Variants in PDS5A observed in about 807,000 individuals in gnomAD.
PDS5A encodes PDS5 cohesin associated factor A, also known as sister chromatid cohesion protein PDS5 homolog A.
Under a neutral mutation model 167.1 loss-of-function variants are expected in PDS5A, and 42 were observed. The ratio of observed to expected loss-of-function variants is 0.25; its 90% confidence interval spans 0.20 to 0.33. The LOEUF is 0.33. PDS5A is among the 10% of genes least tolerant of loss of function. The probability of loss-of-function intolerance (pLI) is 1.00; values close to 1 mark genes in which losing one functional copy is unlikely to be tolerated. For synonymous variants in PDS5A, 553 were observed against 554.6 expected (o/e 1.00, Z 0.04); for missense variants, 1,033 against 1,605.9 (o/e 0.64, Z 6.10).
intron 26 of PDS5A, among the ~76,000 whole-genome samples, chr4:39,860,467 A>G (rs1718893206): frequency 6.7e-6 from 1 of 148,958 alleles, no homozygotes; most frequent in Non-Finnish European, 1.5e-5. Flanking sequence ...ACTTGTCTCA[A>G]AAAAAAAAAG....
At chr4:39,913,581 T>C (rs770579333) in intron 9 of PDS5A, 30 bp downstream of exon 9, 2 of 1,230,476 alleles carry the variant, frequency 1.6e-6, no homozygotes, top group Non-Finnish European at 2.4e-6. Flanking sequence ...TTTTCTAAAA[T>C]ATAAACATCA....
At chr4:39,909,040 AAAAATAAAAT>A (rs59403675) in intron 10 of PDS5A, among the ~76,000 whole-genome samples, 22,209 of 125,716 alleles carry the variant, frequency 0.18, 2,031 homozygotes, top group East Asian at 0.34. Context: ...CCCTGTATCA[AAAAATAAAAT>A]AAAATAAAAT....
chr4:39,879,869 G>A, intron 17 of PDS5A, 36 bp from the exon 18 acceptor site: 4 of 1,149,942 alleles, frequency 3.5e-6, no homozygotes, highest in Non-Finnish European at 5.3e-6. Context: ...AGTAACCACT[G>A]TAGTAGTAAC....
At chr4:39,888,313 T>C (rs889425809) in intron 17 of PDS5A, among the ~76,000 whole-genome samples, 1 of 149,500 alleles carries the variant, frequency 6.7e-6, no homozygotes, top group Non-Finnish European at 1.5e-5. Context: ...GGCGAGGATG[T>C]AGAAAAAAGT....
intron 17 of PDS5A, among the ~76,000 whole-genome samples, chr4:39,885,620 C>T (rs1721381606): frequency 6.6e-6 from 1 of 151,578 alleles, no homozygotes; most frequent in Admixed American, 6.6e-5. Flanking sequence ...AAAAGAAAAT[C>T]TTAATAAAAA....
chr4:39,955,288 T>C (rs1181483324), intron 2 of PDS5A, among the ~76,000 whole-genome samples: 3 of 152,092 alleles, frequency 2.0e-5, no homozygotes, highest in Non-Finnish European at 4.4e-5. Context: ...GTGATAATGT[T>C]GTGATGTTGG....
chr4:39,921,882 GAATT>G (rs955383143), intron 6 of PDS5A, among the ~76,000 whole-genome samples: 11 of 152,274 alleles, frequency 7.2e-5, no homozygotes, highest in African/African-American at 1.4e-4. Context: ...AACTACATTT[GAATT>G]AATAAAATGT....
intron 17 of PDS5A, among the ~76,000 whole-genome samples, chr4:39,883,417 G>A (rs1721133734): frequency 6.6e-6 from 1 of 152,178 alleles, no homozygotes. Context: ...CTGACCGCAG[G>A]TGATCCGCCC....
chr4:39,827,518 TA>T (rs150836029), intron 32 of PDS5A, among the ~76,000 whole-genome samples: 5,578 of 152,112 alleles, frequency 0.037, 317 homozygotes, highest in African/African-American at 0.13. Flanking sequence ...CACTTGTTAC[TA>T]AAAAAAATTC....
chr4:39,883,397 T>C (rs1270449539), intron 17 of PDS5A, among the ~76,000 whole-genome samples: 1 of 152,158 alleles, frequency 6.6e-6, no homozygotes, highest in Non-Finnish European at 1.5e-5. Flanking sequence ...GCCAGGCTGG[T>C]CTTGAACTCC....
rs753120407 is a variant in PDS5A, at chr4:39,936,255, C to T, written c.139-8091G>A. Among the ~76,000 whole-genome samples the T allele has an allele frequency of 5.9e-5, 9 of 152,194 alleles. No homozygotes were observed. The South Asian group carries it at 1.5e-3, about 25-fold the overall frequency. On this transcript the variant is annotated intron_variant, in intron 2 of 32. Transcript: ENST00000303538. ...TCAGTTCTGACACTACCCACCTTAG[C>T]GCAGAACCCCACAGGCAAAGTTCTT... is the stretch of plus-strand genomic sequence containing the variant.
In PDS5A at chr4:39,867,774, A is replaced by ACACC. The variant is rs369419469; in HGVS notation, c.2506-778_2506-777insGGTG. Among the ~76,000 whole-genome samples, 621 of 108,556 alleles carry ACACC rather than the reference A, an allele frequency of 5.7e-3. 4 individuals carry two copies. The highest frequency in any genetic ancestry group is 0.03 in the East Asian group (123 of 4,086). 71.2% of individuals were successfully genotyped at this position (108,556 alleles called of 152,430 possible). A position where few individuals can be genotyped will look rare whatever the true frequency, so the allele number is the denominator to read the frequency against. On this transcript the variant is annotated intron_variant, in intron 22 of 32. Coordinates refer to ENST00000303538, the MANE Select transcript of PDS5A (RefSeq NM_001100399.2). Reference sequence around the variant, plus strand: ...CACACACACACACACACACACACACACCCCACAACTGTACTGATTGTGGTG... The same window carrying ACACC: ...CACACACACACACACACACACACACACACCCCCCACAACTGTACTGATTGTGGTG...
chr4:39,963,980 C>G (rs1729744875), intron 2 of PDS5A, among the ~76,000 whole-genome samples: 1 of 152,146 alleles, frequency 6.6e-6, no homozygotes, highest in Admixed American at 6.6e-5. Flanking sequence ...AATCTTGACT[C>G]ACTGCAACCT....
chr4:39,888,716 C>T (rs775076658), intron 17 of PDS5A, among the ~76,000 whole-genome samples: 80 of 150,632 alleles, frequency 5.3e-4, no homozygotes, highest in Admixed American at 8.6e-4. Context: ...ATTGCATATT[C>T]GCAGTCATAT....
intron 2 of PDS5A, among the ~76,000 whole-genome samples, chr4:39,948,403 G>C (rs998851981): frequency 3.9e-5 from 5 of 129,486 alleles, no homozygotes; most frequent in African/African-American, 1.5e-4. Context: ...CTGCATTACT[G>C]CAACCTCCGC....
intron 2 of PDS5A, among the ~76,000 whole-genome samples, chr4:39,937,761 A>C (rs1393768483): frequency 6.6e-6 from 1 of 152,162 alleles, no homozygotes; most frequent in African/African-American, 2.4e-5. Flanking sequence ...CTCACTTTTT[A>C]ATTGAAATGT....
chr4:39,845,815 T>C lies in PDS5A; in HGVS notation c.3402+3A>G. ...GATCTCAAAATTATTAAGTAAATAA[T>C]ACCTTTCCTGTTAACAGAAGTACTC... On this transcript the variant is annotated splice_donor_region_variant and intron_variant, in intron 29 of 32. Transcript: ENST00000303538. 1 of 1,407,860 alleles carries C rather than the reference T, an allele frequency of 7.1e-7. No individual in the cohort carries two copies. The allele number at this position is 1,407,860 out of a possible 1,614,324, so 87.2% of individuals were successfully genotyped here. A position where few individuals can be genotyped will look rare whatever the true frequency, so the allele number is the denominator to read the frequency against.
chr4:39,901,012 A>T (rs1722831306), intron 13 of PDS5A, among the ~76,000 whole-genome samples: 1 of 152,196 alleles, frequency 6.6e-6, no homozygotes, highest in South Asian at 2.1e-4. Flanking sequence ...CAAGATGCCA[A>T]ATTTACATTA....
intron 26 of PDS5A, among the ~76,000 whole-genome samples, chr4:39,850,627 G>A (rs564935186): frequency 1.3e-5 from 2 of 152,304 alleles, no homozygotes; most frequent in East Asian, 1.9e-4. Context: ...CAGTTCTGCC[G>A]AGAAACAAGT....
Sources: allele counts gnomAD v4.1 joint callset (sites outside exome capture counted in the v4.1 genomes callset), GRCh38; gene constraint gnomAD v4.1.1; transcripts MANE v1.5; gene names NCBI Gene and HGNC (gene_info 2026-07-23, HGNC 2026-07-21).